PMPCB: variants seen among roughly 807,000 people sequenced by gnomAD.
PMPCB encodes mitochondrial-processing peptidase subunit beta.
PMPCB carries 46 observed loss-of-function variants against 61.5 expected under a neutral mutation model. The observed-to-expected ratio is 0.75, with a 90% confidence interval of 0.59 to 0.96. The LOEUF is 0.96. Among genes scored for constraint, PMPCB ranks in the 40% least tolerant of loss-of-function variants. PMPCB has a pLI of 0.00. For synonymous variants in PMPCB, 191 were observed against 201.6 expected (o/e 0.95, Z 0.44); for missense variants, 590 against 602.4 (o/e 0.98, Z 0.22).
chr7:103,339,520 AC>A, the PMPCB span, among the ~76,000 whole-genome samples: 1,254 of 152,022 alleles, frequency 8.2e-3, 13 homozygotes, highest in African/African-American at 0.028. Context: ...CTCTTCATTC[AC>A]TGTAATCTCT....
chr7:103,310,671 A>T, intron 9 of PMPCB, 196 bp downstream of exon 9: 2 of 290,140 alleles, frequency 6.9e-6, no homozygotes, highest in African/African-American at 2.3e-5. Context: ...TTTATACTAT[A>T]GAATTTTTTT....
downstream of PMPCB, among the ~76,000 whole-genome samples, chr7:103,330,778 C>T (rs906625149): frequency 1.3e-5 from 2 of 150,106 alleles, no homozygotes; most frequent in African/African-American, 2.5e-5. Flanking sequence ...GGAGGGGTTT[C>T]GTCATGTTGG....
intron 4 of PMPCB, among the ~76,000 whole-genome samples, chr7:103,301,444 G>A (rs1009275506): frequency 2.0e-5 from 3 of 152,210 alleles, no homozygotes; most frequent in Non-Finnish European, 4.4e-5. Context: ...CTAGGCCAAG[G>A]TTCTTTAAAG....
At position 103,312,418 on chromosome 7, in the gene PMPCB, T is replaced by C; in HGVS notation, c.*147T>C. 6.6e-7 allele frequency: 1 copy of C among 1,507,474 alleles called. No individual in the cohort carries two copies. Among genetic ancestry groups the C allele is most frequent in the Non-Finnish European group, 8.8e-7 (1 of 1,137,684 alleles). The allele number at this position is 1,507,474 out of a possible 1,614,324, so 93.4% of individuals were successfully genotyped here. On this transcript the variant is annotated 3_prime_UTR_variant, in exon 13 of 13. Coordinates refer to ENST00000249269, the MANE Select transcript of PMPCB (RefSeq NM_004279.3). ...GATAAAAAGACTACCCCTCTGAAGG[T>C]TGTTTTGTATTAATGGTCAGTCTTT...
intron 1 of PMPCB, among the ~76,000 whole-genome samples, chr7:103,298,270 A>C (rs574806219): frequency 6.6e-6 from 1 of 151,580 alleles, no homozygotes; most frequent in African/African-American, 2.4e-5. Flanking sequence ...CATAATGAAT[A>C]TAAAACATTT....
At chr7:103,320,864 T>C (rs1818366864) in intron 12 of PMPCB, 1 of 174,392 alleles carries the variant, frequency 5.7e-6, no homozygotes, top group South Asian at 1.5e-4. Context: ...ATGGAGACTC[T>C]GTCTTGTTTA....
At chr7:103,342,968 A>G in the PMPCB span, among the ~76,000 whole-genome samples, 3 of 151,996 alleles carry the variant, frequency 2.0e-5, no homozygotes, top group Non-Finnish European at 2.9e-5. Context: ...AGCTAGCCTC[A>G]CCAAAAATAA....
At chr7:103,319,248 C>A (rs1818246072), downstream of PMPCB, among the ~76,000 whole-genome samples, 1 of 152,142 alleles carries the variant, frequency 6.6e-6, no homozygotes, top group African/African-American at 2.4e-5. Context: ...ACCAGCCTGA[C>A]CAACATGGTG....
At chr7:103,318,036 A>G (rs1013377380), downstream of PMPCB, among the ~76,000 whole-genome samples, 1 of 152,216 alleles carries the variant, frequency 6.6e-6, no homozygotes, top group East Asian at 1.9e-4. Flanking sequence ...TAGTAGTACA[A>G]TGTTGAACCT....
intron 2 of PMPCB, 149 bp downstream of exon 2, chr7:103,298,857 T>A: frequency 1.4e-6 from 1 of 700,218 alleles, no homozygotes; most frequent in South Asian, 1.9e-5. Context: ...GTGAACCTTT[T>A]CTTCCAGTGG....
chr7:103,317,065 C>A (rs1818105549), downstream of PMPCB: 1 of 1,477,906 alleles, frequency 6.8e-7, no homozygotes, highest in Non-Finnish European at 9.3e-7. Flanking sequence ...TATTGCTATT[C>A]TACACTCTCT....
downstream of PMPCB, chr7:103,314,715 A>G (rs1817951135): frequency 2.2e-6 from 2 of 908,510 alleles, no homozygotes; most frequent in African/African-American, 1.8e-5. Context: ...GATTTTTGCA[A>G]TGATTTTCCT....
downstream of PMPCB, among the ~76,000 whole-genome samples, chr7:103,330,865 C>T (rs952426328): frequency 1.3e-5 from 2 of 151,654 alleles, no homozygotes; most frequent in South Asian, 2.1e-4. Context: ...TACAGGCCTG[C>T]GCCACCACGC....
chr7:103,333,601 A>G (rs1386869646), downstream of PMPCB, among the ~76,000 whole-genome samples: 1 of 152,176 alleles, frequency 6.6e-6, no homozygotes, highest in Non-Finnish European at 1.5e-5. Context: ...CTACTATCCA[A>G]AGGAAAATAT....
At chr7:103,329,018 T>C in exon 13 of PMPCB, 1 of 1,270,012 alleles carries the variant, frequency 7.9e-7, no homozygotes, top group Non-Finnish European at 1.0e-6. Flanking sequence ...TACGTGAACA[T>C]CCTTTTACCA....
intron 12 of PMPCB, chr7:103,323,512 G>A (rs1818535242): frequency 7.7e-7 from 1 of 1,292,008 alleles, no homozygotes; most frequent in Non-Finnish European, 1.0e-6. Context: ...AAATATGAAA[G>A]AAAATTTACG....
chr7:103,313,539 C>A lies in PMPCB; in HGVS notation c.*1268C>A. On this transcript the variant is annotated 3_prime_UTR_variant, in exon 13 of 13. Transcript: ENST00000249269. ...CAGTTAAACTTTTGCTGGATAGAAA[C>A]CCTGGAAATCATTCTTGTTTTACAC... 1.0e-6 allele frequency: 1 copy of A among 983,186 alleles called. No individual in the cohort carries two copies. The highest frequency in any genetic ancestry group is 1.2e-6 in the Non-Finnish European group (1 of 828,034). 60.9% of individuals were successfully genotyped at this position (983,186 alleles called of 1,614,324 possible).
At chr7:103,315,731 A>G, downstream of PMPCB, 1 of 1,419,276 alleles carries the variant, frequency 7.0e-7, no homozygotes, top group Non-Finnish European at 1.0e-6. Context: ...ATACATGGCT[A>G]GCATTTTCTA....
intron 12 of PMPCB, among the ~76,000 whole-genome samples, chr7:103,324,910 TAGTC>T (rs747557189): frequency 9.2e-5 from 14 of 152,158 alleles, no homozygotes; most frequent in African/African-American, 2.2e-4. Context: ...TGTCCCTAAA[TAGTC>T]AGCACAACAA....
Sources: allele counts gnomAD v4.1 joint callset (sites outside exome capture counted in the v4.1 genomes callset), GRCh38; gene constraint gnomAD v4.1.1; transcripts MANE v1.5; gene names NCBI Gene and HGNC (gene_info 2026-07-23, HGNC 2026-07-21).